MSRB3: variants seen among roughly 807,000 people sequenced by gnomAD.
MSRB3 encodes methionine-R-sulfoxide reductase B3.
Under a neutral mutation model 21.0 loss-of-function variants are expected in MSRB3, and 13 were observed. That is an observed-to-expected ratio of 0.62 (90% CI 0.40 to 0.98). MSRB3 has a LOEUF of 0.98. MSRB3 is among the 50% of genes least tolerant of loss of function. The pLI, the probability that MSRB3 is intolerant of heterozygous loss-of-function variation, is 0.00. For synonymous variants in MSRB3, 87 were observed against 88.6 expected (o/e 0.98, Z 0.10); for missense variants, 199 against 230.3 (o/e 0.86, Z 0.88).
chr12:65,281,843 G>T (rs575102562), intron 1 of MSRB3: 3 of 152,326 alleles, frequency 2.0e-5, no homozygotes, highest in African/African-American at 7.2e-5. Flanking sequence ...TTACCTCAGA[G>T]AAGATTGAAT....
At chr12:65,420,376 T>A (rs889279357) in intron 5 of MSRB3, among the ~76,000 whole-genome samples, 2 of 151,202 alleles carry the variant, frequency 1.3e-5, no homozygotes, top group Non-Finnish European at 2.9e-5. Flanking sequence ...TATATGGGAG[T>A]CACTTGTGGT....
intron 1 of MSRB3, among the ~76,000 whole-genome samples, chr12:65,280,357 C>T (rs1871937409): frequency 6.6e-6 from 1 of 152,194 alleles, no homozygotes; most frequent in Non-Finnish European, 1.5e-5. Flanking sequence ...TCTAATTTCA[C>T]ATTTTTCAAT....
chr12:65,444,456 T>A (rs927481093), intron 5 of MSRB3, among the ~76,000 whole-genome samples: 1 of 152,232 alleles, frequency 6.6e-6, no homozygotes, highest in Non-Finnish European at 1.5e-5. Flanking sequence ...TAAGTTTTTT[T>A]TAACATGTCT....
chr12:65,437,892 C>G (rs1882192595), intron 5 of MSRB3, among the ~76,000 whole-genome samples: 1 of 151,822 alleles, frequency 6.6e-6, no homozygotes, highest in Admixed American at 6.6e-5. Flanking sequence ...GAAGTGCTCC[C>G]TTTTTCACTA....
chr12:65,310,175 A>T (rs1450686438), intron 2 of MSRB3, among the ~76,000 whole-genome samples: 1 of 152,084 alleles, frequency 6.6e-6, no homozygotes, highest in Non-Finnish European at 1.5e-5. Flanking sequence ...ATGAGGGGCT[A>T]ATGAAGCTTA....
intron 2 of MSRB3, among the ~76,000 whole-genome samples, chr12:65,318,416 GAGA>G (rs977264134): frequency 8.8e-4 from 134 of 152,272 alleles, no homozygotes; most frequent in African/African-American, 2.9e-3. Flanking sequence ...CTCCCAAGGG[GAGA>G]AGGAGGATGA....
chr12:65,325,398 GTGCTGTCTGACAA>G (rs1874952567), intron 2 of MSRB3, among the ~76,000 whole-genome samples: 1 of 152,160 alleles, frequency 6.6e-6, no homozygotes, highest in South Asian at 2.1e-4. Flanking sequence ...GTCAGCAGAG[GTGCTGTCTGACAA>G]CCTGCAGGCC....
intron 6 of MSRB3, among the ~76,000 whole-genome samples, chr12:65,461,509 G>A (rs1283935831): frequency 6.6e-6 from 1 of 152,214 alleles, no homozygotes; most frequent in Non-Finnish European, 1.5e-5. Flanking sequence ...TTTGCTGGCA[G>A]TGAAATGAGA....
At chr12:65,405,444 G>GAC (rs1555210380) in intron 5 of MSRB3, among the ~76,000 whole-genome samples, 12 of 149,530 alleles carry the variant, frequency 8.0e-5, no homozygotes, top group African/African-American at 2.9e-4. Flanking sequence ...TATCATATAT[G>GAC]ATATATATAT....
intron 2 of MSRB3, among the ~76,000 whole-genome samples, chr12:65,325,234 T>C (rs574967773): frequency 6.6e-6 from 1 of 152,310 alleles, no homozygotes; most frequent in East Asian, 1.9e-4. Context: ...TACCTAACCG[T>C]TGATAACAGC....
intron 2 of MSRB3, among the ~76,000 whole-genome samples, chr12:65,319,271 A>C (rs1464132451): frequency 6.6e-6 from 1 of 151,938 alleles, no homozygotes; most frequent in Non-Finnish European, 1.5e-5. Flanking sequence ...ATTAGCTGCT[A>C]CTCTTACATG....
chr12:65,354,594 C>G (rs892530880), intron 4 of MSRB3, among the ~76,000 whole-genome samples: 1 of 151,850 alleles, frequency 6.6e-6, no homozygotes, highest in African/African-American at 2.4e-5. Flanking sequence ...TTAAGGACTT[C>G]TCGGCATTGG....
intron 5 of MSRB3, among the ~76,000 whole-genome samples, chr12:65,434,850 C>G (rs1010665219): frequency 7.9e-5 from 12 of 151,938 alleles, no homozygotes; most frequent in South Asian, 2.1e-4. Flanking sequence ...TTTGTAAAAT[C>G]ACAGATGAGT....
chr12:65,403,924 A>G (rs1592604660), intron 5 of MSRB3, among the ~76,000 whole-genome samples: 1 of 152,082 alleles, frequency 6.6e-6, no homozygotes, highest in African/African-American at 2.4e-5. Flanking sequence ...CTCCCCCTCC[A>G]TGGGCTGCAC....
chr12:65,306,890 C>T (rs555755984), intron 1 of MSRB3: 224 of 985,732 alleles, frequency 2.3e-4, no homozygotes, highest in East Asian at 9.1e-4. Flanking sequence ...TCTTCCTGTG[C>T]GCTGGCTTTG....
In MSRB3 at chr12:65,399,421, A is replaced by G. The variant is rs1879996248; in HGVS notation, c.292+30395A>G. Reference sequence around the variant, plus strand: ...GGCTGTTTGTCTATTTTTGTTGTATAGGAATGCTTGTGATTTTTGCACATT... The same window carrying G: ...GGCTGTTTGTCTATTTTTGTTGTATGGGAATGCTTGTGATTTTTGCACATT... On this transcript the variant is annotated intron_variant, in intron 5 of 6. Transcript: ENST00000308259. Among the ~76,000 whole-genome samples, 3 of 152,202 alleles carry G rather than the reference A, an allele frequency of 2.0e-5. No homozygotes were observed. The South Asian group carries it at 6.2e-4, about 31-fold the overall frequency.
chr12:65,300,730 A>G (rs376006194), intron 1 of MSRB3, among the ~76,000 whole-genome samples: 3 of 152,192 alleles, frequency 2.0e-5, no homozygotes, highest in African/African-American at 4.8e-5. Context: ...TGTGGTTCAG[A>G]TGGGAGCTCT....
intron 2 of MSRB3, among the ~76,000 whole-genome samples, chr12:65,310,509 C>T (rs546424463): frequency 7.0e-6 from 1 of 142,570 alleles, no homozygotes; most frequent in African/African-American, 2.4e-5. Context: ...TTAGATTATA[C>T]ATAATGATGT....
intron 4 of MSRB3, among the ~76,000 whole-genome samples, chr12:65,334,750 A>G (rs931082598): frequency 1.3e-5 from 2 of 152,208 alleles, no homozygotes; most frequent in Non-Finnish European, 2.9e-5. Context: ...AATGGAGCCA[A>G]TGTTCAGGAA....
Sources: allele counts gnomAD v4.1 joint callset (sites outside exome capture counted in the v4.1 genomes callset), GRCh38; gene constraint gnomAD v4.1.1; transcripts MANE v1.5; gene names NCBI Gene and HGNC (gene_info 2026-07-23, HGNC 2026-07-21).